TENM1: variants seen among roughly 807,000 people sequenced by gnomAD.
TENM1 encodes teneurin-1.
In TENM1, 35 loss-of-function variants were observed where a neutral mutation model predicts 174.8. The observed-to-expected ratio is 0.20, with a 90% CI of 0.15 to 0.27. The LOEUF (loss-of-function observed/expected upper bound fraction) is 0.27. Ranked by LOEUF, TENM1 falls within the 10% of genes least tolerant of loss-of-function variation. The probability of loss-of-function intolerance (pLI) is 1.00; values close to 1 mark genes in which losing one functional copy is unlikely to be tolerated. For missense variants in TENM1, 1,633 were observed against 2,130.1 expected (o/e 0.77, Z 4.59); for synonymous variants, 781 against 798.7 (o/e 0.98, Z 0.37).
intron 23 of TENM1, among the ~76,000 whole-genome samples, chrX:124,451,011 GT>G (rs1855116125): frequency 8.9e-6 from 1 of 111,861 alleles, no homozygotes; most frequent in Non-Finnish European, 1.9e-5. Context: ...ATCCACTTTA[GT>G]GTTTTTGAAA....
the TENM1 span, among the ~76,000 whole-genome samples, chrX:125,120,323 T>C: frequency 9.0e-6 from 1 of 111,569 alleles, no homozygotes; most frequent in African/African-American, 3.3e-5. Context: ...ACTATGTATG[T>C]TTTTAAGTTC....
chrX:124,956,390 A>G (rs2058574294), intron 1 of TENM1, among the ~76,000 whole-genome samples: 1 of 112,156 alleles, frequency 8.9e-6, no homozygotes. Flanking sequence ...ACTCTAATTG[A>G]TTGACAATGC....
intron 16 of TENM1, among the ~76,000 whole-genome samples, chrX:124,527,654 T>A (rs2048005671): frequency 9.7e-6 from 1 of 103,613 alleles, no homozygotes; most frequent in Admixed American, 1.0e-4. Context: ...TTTTTTCTTT[T>A]TTTTTTTTTT....
intron 11 of TENM1, among the ~76,000 whole-genome samples, chrX:124,583,841 A>G (rs947149726): frequency 1.2e-4 from 4 of 34,502 alleles, no homozygotes; most frequent in Admixed American, 4.4e-4. Context: ...AAGTGCTTAA[A>G]GGAGCTGATG....
intron 6 of TENM1, among the ~76,000 whole-genome samples, chrX:124,658,735 T>G (rs539765894): frequency 4.4e-5 from 5 of 112,366 alleles, no homozygotes; most frequent in African/African-American, 1.6e-4. Flanking sequence ...TAAACAATTA[T>G]GTCCAAACAC....
intron 3 of TENM1, among the ~76,000 whole-genome samples, chrX:124,862,014 C>A (rs1209999594): frequency 9.0e-6 from 1 of 111,729 alleles, no homozygotes; most frequent in Non-Finnish European, 1.9e-5. Context: ...ACCATAAGGG[C>A]CAGTATAGTC....
At chrX:125,106,423 T>C in the TENM1 span, among the ~76,000 whole-genome samples, 1 of 109,133 alleles carries the variant, frequency 9.2e-6, no homozygotes, top group Non-Finnish European at 1.9e-5. Flanking sequence ...TTTTTTTTTT[T>C]TTTTGAGATG....
At chrX:124,867,530 T>C (rs1221236231) in intron 3 of TENM1, among the ~76,000 whole-genome samples, 1 of 112,128 alleles carries the variant, frequency 8.9e-6, no homozygotes, top group African/African-American at 3.2e-5. Flanking sequence ...GCAGCTGGCA[T>C]CATACTAAAT....
chrX:125,025,033 T>C, the TENM1 span, among the ~76,000 whole-genome samples: 20 of 111,189 alleles, frequency 1.8e-4, no homozygotes, highest in Admixed American at 1.6e-3. Flanking sequence ...TACTGGAAAA[T>C]TGAAATTTTA....
At chrX:124,881,520 AGTTCT>A (rs1009712142) in intron 3 of TENM1, among the ~76,000 whole-genome samples, 6 of 109,411 alleles carry the variant, frequency 5.5e-5, no homozygotes, top group Admixed American at 4.9e-4. Context: ...TATTTCATTT[AGTTCT>A]GTTCTGATCT....
intron 1 of TENM1, among the ~76,000 whole-genome samples, chrX:124,901,326 T>C (rs1164093050): frequency 9.0e-6 from 1 of 111,047 alleles, no homozygotes; most frequent in Non-Finnish European, 1.9e-5. Context: ...TTAAATGCTA[T>C]GAAGCACTGA....
intron 6 of TENM1, among the ~76,000 whole-genome samples, chrX:124,659,998 C>A (rs73543961): frequency 0.023 from 2,546 of 111,780 alleles, 67 homozygotes; most frequent in African/African-American, 0.078. Flanking sequence ...CAAATGCCTA[C>A]ATGTAAGGGC....
intron 20 of TENM1, among the ~76,000 whole-genome samples, chrX:124,492,752 G>A (rs2047098996): frequency 9.1e-6 from 1 of 110,262 alleles, no homozygotes; most frequent in African/African-American, 3.3e-5. Flanking sequence ...ACCTAATGCA[G>A]GGGATATTAA....
At chrX:124,815,958 T>C (rs1427540719) in intron 3 of TENM1, among the ~76,000 whole-genome samples, 1 of 111,826 alleles carries the variant, frequency 8.9e-6, no homozygotes, top group African/African-American at 3.2e-5. Context: ...AGGGGTTAAG[T>C]AGATTTGGAA....
chrX:124,728,793 A>C (rs764919679), intron 4 of TENM1, among the ~76,000 whole-genome samples: 1 of 111,992 alleles, frequency 8.9e-6, no homozygotes, highest in Admixed American at 9.4e-5. Context: ...CCTACAGCCT[A>C]GGTTCAAAAC....
In TENM1 at chrX:124,726,607, G is replaced by C. The variant is rs183520004; in HGVS notation, c.776+10350C>G. 1.3e-4 allele frequency among the ~76,000 whole-genome samples: 15 copies of C among 111,754 alleles called. No homozygotes were observed. The East Asian group carries it at 3.9e-3, about 29-fold the overall frequency. On this transcript the variant is annotated intron_variant, in intron 4 of 31. Transcript: ENST00000422452. ...AAGATAGATTTTTGCTAACCTCCGT[G>C]CTGTTAAAGGATTAAAGCCTGAGAT...
At chrX:124,593,425 T>C in intron 11 of TENM1, among the ~76,000 whole-genome samples, 1 of 111,836 alleles carries the variant, frequency 8.9e-6, no homozygotes, top group South Asian at 3.8e-4. Flanking sequence ...TTGCTTTGAA[T>C]GCCTGGAGAT....
intron 15 of TENM1, among the ~76,000 whole-genome samples, chrX:124,532,105 T>C (rs2048121305): frequency 9.0e-6 from 1 of 111,538 alleles, no homozygotes; most frequent in Non-Finnish European, 1.9e-5. Flanking sequence ...TGGGGGTTAG[T>C]TATTACCTTG....
intron 11 of TENM1, among the ~76,000 whole-genome samples, chrX:124,568,240 G>A (rs755467385): frequency 1.1e-4 from 12 of 111,315 alleles, no homozygotes; most frequent in Non-Finnish European, 2.1e-4. Flanking sequence ...ACGACTAGGG[G>A]CTTGGGTACT....
Sources: gnomAD v4.1 joint callset for allele counts (sites outside exome capture counted in the v4.1 genomes callset) on GRCh38, gnomAD v4.1.1 for gene constraint, MANE v1.5 for transcripts, NCBI Gene and HGNC (gene_info 2026-07-23, HGNC 2026-07-21) for gene names.